DNAH10: variants seen among roughly 807,000 people sequenced by gnomAD.
The protein encoded by DNAH10 is axonemal beta dynein heavy chain 10.
A neutral mutation model predicts 506.6 loss-of-function variants in DNAH10; 348 were observed. The observed-to-expected ratio is 0.69, with a 90% confidence interval of 0.63 to 0.75. DNAH10 has a LOEUF of 0.75. Ranked by LOEUF, DNAH10 falls within the 30% of genes least tolerant of loss-of-function variation. DNAH10 has a pLI of 0.00. For synonymous variants in DNAH10, 2,059 were observed against 2,198.6 expected (o/e 0.94, Z 1.78); for missense variants, 5,179 against 5,787.1 (o/e 0.89, Z 3.41).
chr12:123,799,264 G>C lies in DNAH10; in HGVS notation c.2182G>C (p.Glu728Gln), dbSNP rs1470971447. Residue 728 changes from glutamate (E) to glutamine (Q), a missense_variant, in exon 14 of 79, where the codon GAA (glutamate) becomes CAA (glutamine). This residue lies in a region of DNAH10 where 4,844 missense variants were observed against 5,430.5 expected (regional missense o/e 0.89). Transcript: ENST00000673944. ...TTGATAGGTCAAACAAAAATATTTG[G>C]AAGTAGGTAGGACAATGAAGGAGTA... is the stretch of plus-strand genomic sequence containing the variant. ...RGQEVKQKYL[E>Q]VGRTMKEYED... 6.2e-7 allele frequency: 1 copy of C among 1,609,726 alleles called. No individual in the cohort carries two copies. Among genetic ancestry groups the C allele is most frequent in the East Asian group, 2.2e-5 (1 of 44,856 alleles).
At position 123,909,263 on chromosome 12, in the gene DNAH10, C is replaced by T. The variant is rs1162286322; in HGVS notation, c.9818C>T (p.Ser3273Leu). ...CACGTGCCTTGGTTTCTTGCCAGGT[C>T]GTTTGCTAAGCCCCCGAAGCAGGTG... The part of the protein sequence containing the change: ...LDKSDVTEIR[S>L]FAKPPKQVQT... The change falls in exon 58 of 79, where the codon TCG becomes TTG. Residue 3273 changes from serine to leucine, a missense_variant and splice_region_variant. Coordinates refer to ENST00000673944, the MANE Select transcript of DNAH10 (RefSeq NM_001372106.1). The surrounding 1 kb of genome is among the most constrained non-coding windows in gnomAD (Gnocchi z 5.4). 2.2e-5 allele frequency: 36 copies of T among 1,612,534 alleles called. No individual in the cohort carries two copies. Among genetic ancestry groups the T allele is most frequent in the Non-Finnish European group, 2.7e-5 (32 of 1,179,530 alleles).
In DNAH10 at chr12:123,850,285, A is replaced by G. The variant is rs1951106730; in HGVS notation, c.6103-603A>G. Among the ~76,000 whole-genome samples the G allele has an allele frequency of 6.6e-6, 1 of 151,974 alleles. No homozygotes were observed. Among genetic ancestry groups the G allele is most frequent in the Non-Finnish European group, 1.5e-5 (1 of 67,990 alleles). ...GACTCAACCTTCAGCTAAAAAGGCT[A>G]AGAATATAGGGATTTCCGTGGTTTG... On this transcript the variant is annotated intron_variant, in intron 34 of 78. Transcript: ENST00000673944. This position sits in a 1 kb window ranked among gnomAD's most constrained non-coding sequence, Gnocchi z 5.5.
intron 33 of DNAH10, 63 bp downstream of exon 33, chr12:123,848,158 G>C: frequency 6.4e-7 from 1 of 1,552,400 alleles, no homozygotes; most frequent in Non-Finnish European, 8.7e-7. Flanking sequence ...GCAGGACATG[G>C]CATTTCACCT....
Position 123,894,726 on chromosome 12 carries a change from A to G in DNAH10, c.9280+3A>G, listed in dbSNP as rs773296314. 3 of 1,613,210 alleles carry G rather than the reference A, an allele frequency of 1.9e-6. No homozygotes were observed. The South Asian group carries it at 3.3e-5, about 18-fold the overall frequency. The stretch of plus-strand genomic sequence containing the variant: ...TGCGGTCGCAAAGTCCTTTCTAGGT[A>G]AGTCACAGCTGTTATGGGAACTGCA... On this transcript the variant is annotated splice_donor_region_variant and intron_variant, in intron 54 of 78. Transcript: ENST00000673944.
intron 19 of DNAH10, among the ~76,000 whole-genome samples, chr12:123,810,312 A>G (rs1202220430): frequency 2.6e-5 from 4 of 152,218 alleles, no homozygotes; most frequent in Admixed American, 1.3e-4. Context: ...CAAGTCAGAC[A>G]TGTTTCCGGC....
chr12:123,867,442 G>A, intron 41 of DNAH10, 25 bp from the exon 42 acceptor site: 1 of 1,605,558 alleles, frequency 6.2e-7, no homozygotes, highest in Non-Finnish European at 8.5e-7. Context: ...CCCTTGAAAT[G>A]CTTTGGAATG....
rs562041816 is a variant in DNAH10, at chr12:123,903,273, G to A, written c.9815+160G>A. Among the ~76,000 whole-genome samples, 9 of 152,278 alleles carry A rather than the reference G, an allele frequency of 5.9e-5. No individual in the cohort carries two copies. The highest frequency in any genetic ancestry group is 1.9e-4 in the East Asian group (1 of 5,174). On this transcript the variant is annotated intron_variant, in intron 57 of 78. Transcript: ENST00000673944. This position sits in a 1 kb window ranked among gnomAD's most constrained non-coding sequence, Gnocchi z 4.6. ...GGAGACTGTTGTTGCCCTCATTTTC[G>A]GATGGGGAAAATGAGGCCCAGGGAG...
At chr12:123,768,415 G>A (rs1347358539) in intron 2 of DNAH10, among the ~76,000 whole-genome samples, 4 of 152,106 alleles carry the variant, frequency 2.6e-5, no homozygotes, top group South Asian at 2.1e-4. Flanking sequence ...GATTACAGGC[G>A]TGAGCCACCA....
chr12:123,780,942 CA>C (rs376709809), intron 5 of DNAH10, 137 bp from the exon 6 acceptor site: 23,519 of 330,424 alleles, frequency 0.071, 1 homozygote, highest in South Asian at 0.092. Flanking sequence ...GACTCTGTCT[CA>C]AAAAAAAAAA....
At chr12:123,924,803 G>A (rs866176731) in intron 67 of DNAH10, among the ~76,000 whole-genome samples, 3 of 152,138 alleles carry the variant, frequency 2.0e-5, no homozygotes, top group Non-Finnish European at 4.4e-5. Context: ...AGAAATAGTT[G>A]TTGGGCATCT....
chr12:123,926,912 C>CA lies in DNAH10; in HGVS notation c.12105+93dup. The CA allele has an allele frequency of 7.1e-7, 1 of 1,407,090 alleles. No homozygotes were observed. Among genetic ancestry groups the CA allele is most frequent in the South Asian group, 1.3e-5 (1 of 77,894 alleles). The allele number at this position is 1,407,090 out of a possible 1,614,324, so 87.2% of individuals were successfully genotyped here. Reference sequence around the variant, plus strand: ...GCTAACCTGGGTTTAAGCTGAGTGCCACGCCACAAATCAGTTGGATGCATT... The same window carrying CA: ...GCTAACCTGGGTTTAAGCTGAGTGCCAACGCCACAAATCAGTTGGATGCATT... On this transcript the variant is annotated intron_variant, in intron 69 of 78. Transcript: ENST00000673944. The surrounding 1 kb of genome is among the most constrained non-coding windows in gnomAD (Gnocchi z 4.1).
chr12:123,935,218 T>G, intron 78 of DNAH10, 117 bp from the exon 79 acceptor site: 1 of 1,260,344 alleles, frequency 7.9e-7, no homozygotes, highest in Non-Finnish European at 1.1e-6. Flanking sequence ...CTTGTGCGTG[T>G]TCTCAGGTGC....
At position 123,875,289 on chromosome 12, in the gene DNAH10, G is replaced by C. The variant is rs757875749; in HGVS notation, c.7997G>C (p.Gly2666Ala). The C allele has an allele frequency of 4.3e-5, 69 of 1,613,046 alleles. No homozygotes were observed. The highest frequency in any genetic ancestry group is 1.5e-4 in the African/African-American group (11 of 74,894). ...TTGCTGAAGCTGCTGTTGGAAAAAGGCTACTTATATGACCGTGGGAAGGAG... is the reference window on the plus strand; with the variant it reads ...TTGCTGAAGCTGCTGTTGGAAAAAGCCTACTTATATGACCGTGGGAAGGAG... ...IALLKLLLEK[G>A]YLYDRGKELN... Residue 2666 changes from glycine to alanine, a missense_variant, in exon 47 of 79, where the codon GGC (glycine) becomes GCC (alanine). Transcript: ENST00000673944.
chr12:123,788,417 A>T (rs1252683353), intron 10 of DNAH10, among the ~76,000 whole-genome samples: 1 of 152,160 alleles, frequency 6.6e-6, no homozygotes, highest in African/African-American at 2.4e-5. Flanking sequence ...CTAGTGGCTG[A>T]TTGAATTAGC....
chr12:123,887,058 C>T, intron 51 of DNAH10, 84 bp from the exon 52 acceptor site: 1 of 1,480,122 alleles, frequency 6.8e-7, no homozygotes, highest in Non-Finnish European at 9.0e-7. Flanking sequence ...CCTCTGCACT[C>T]TCCTCCAGCG....
At position 123,917,591 on chromosome 12, in the gene DNAH10, G is replaced by A. The variant is rs376433834; in HGVS notation, c.11010G>A (p.Leu3670=). 3.7e-4 allele frequency: 580 copies of A among 1,551,210 alleles called. No homozygotes were observed. Among genetic ancestry groups the A allele is most frequent in the Non-Finnish European group, 4.8e-4 (550 of 1,147,012 alleles). Residue 3670 remains leucine, a synonymous_variant, in exon 64 of 79, where the codon CTG becomes CTA. Coordinates refer to ENST00000673944, the MANE Select transcript of DNAH10 (RefSeq NM_001372106.1). This position sits in a 1 kb window ranked among gnomAD's most constrained non-coding sequence, Gnocchi z 5.6. ...KAMVINYTVT[L]KGLEDQLLSV... ...TCTCACTGTCCCCCACAGTCACGCTGAAGGGCCTGGAGGACCAGCTGCTGA... is the reference window on the plus strand; with the variant it reads ...TCTCACTGTCCCCCACAGTCACGCTAAAGGGCCTGGAGGACCAGCTGCTGA...
chr12:123,851,240 C>T (rs574262562), intron 35 of DNAH10, among the ~76,000 whole-genome samples, 164 bp downstream of exon 35: 13 of 147,422 alleles, frequency 8.8e-5, no homozygotes, highest in African/African-American at 2.5e-4. Flanking sequence ...GATGTGTTAG[C>T]TCCGTGTGGC....
chr12:123,877,025 C>T (rs551634092), intron 47 of DNAH10, among the ~76,000 whole-genome samples: 36 of 152,286 alleles, frequency 2.4e-4, no homozygotes, highest in African/African-American at 8.4e-4. Flanking sequence ...TTCAGTGGCA[C>T]TTAGTCCATT....
chr12:123,876,720 G>A (rs955669723), intron 47 of DNAH10, among the ~76,000 whole-genome samples: 5 of 152,172 alleles, frequency 3.3e-5, no homozygotes, highest in South Asian at 2.1e-4. Flanking sequence ...CCAGCACTTC[G>A]GGAGGCTGAG....
Sources: allele counts gnomAD v4.1 joint callset (sites outside exome capture counted in the v4.1 genomes callset), GRCh38; gene constraint gnomAD v4.1.1; regional missense constraint gnomAD v4.1.1; non-coding constraint Gnocchi (gnomAD v3.1); transcripts MANE v1.5; gene names NCBI Gene and HGNC (gene_info 2026-07-23, HGNC 2026-07-21).